The following STK32C variants were observed in gnomAD, a reference collection of about 807,000 sequenced individuals.
STK32C encodes the protein serine/threonine kinase 32C.
STK32C carries 31 observed loss-of-function variants against 56.5 expected under a neutral mutation model. That is an observed-to-expected ratio of 0.55 (90% CI 0.41 to 0.74). The LOEUF (loss-of-function observed/expected upper bound fraction) is 0.74. STK32C is among the 30% of genes least tolerant of loss of function. The probability of loss-of-function intolerance (pLI) is 0.00; values close to 1 mark genes in which losing one functional copy is unlikely to be tolerated. For synonymous variants in STK32C, 309 were observed against 289.4 expected (o/e 1.07, Z -0.69); for missense variants, 544 against 676.9 (o/e 0.80, Z 2.18).
At chr10:132,314,902 C>T (rs1417887466) in intron 1 of STK32C, among the ~76,000 whole-genome samples, 1 of 152,044 alleles carries the variant, frequency 6.6e-6, no homozygotes, top group Non-Finnish European at 1.5e-5. Flanking sequence ...TTTGGGAGGC[C>T]GAGGCAGGCA....
intron 2 of STK32C, among the ~76,000 whole-genome samples, chr10:132,235,889 G>A (rs1042776810): frequency 2.1e-5 from 3 of 142,302 alleles, no homozygotes; most frequent in African/African-American, 7.8e-5. Flanking sequence ...GCTACGAAGA[G>A]AGTCCTCATC....
intron 1 of STK32C, among the ~76,000 whole-genome samples, chr10:132,315,569 G>A (rs1453436171): frequency 1.3e-5 from 2 of 152,112 alleles, no homozygotes; most frequent in African/African-American, 4.8e-5. Context: ...ACTATATAAA[G>A]CAAAACTTGA....
chr10:132,303,987 C>T lies in STK32C; in HGVS notation c.262+3585G>A, dbSNP rs139580512. Reference sequence around the variant, plus strand: ...CCTCTGCCCGGTTACCCCACGACAGCATGGCCCATAAACAATGCTCAGAGA... The same window carrying T: ...CCTCTGCCCGGTTACCCCACGACAGTATGGCCCATAAACAATGCTCAGAGA... On this transcript the variant is annotated intron_variant, in intron 1 of 11. Coordinates refer to ENST00000298630, the MANE Select transcript of STK32C (RefSeq NM_173575.4). Among the ~76,000 whole-genome samples, 542 of 152,338 alleles carry T rather than the reference C, an allele frequency of 3.6e-3. 1 individual carries two copies. The highest frequency in any genetic ancestry group is 0.013 in the African/African-American group (521 of 41,584).
At chr10:132,301,585 C>T (rs546987117) in intron 1 of STK32C, among the ~76,000 whole-genome samples, 100 of 152,320 alleles carry the variant, frequency 6.6e-4, no homozygotes, top group African/African-American at 2.2e-3. Context: ...CCCAGGAACC[C>T]GCCAGTGGAC....
At chr10:132,248,350 G>C (rs1444046516) in intron 1 of STK32C, among the ~76,000 whole-genome samples, 1 of 152,242 alleles carries the variant, frequency 6.6e-6, no homozygotes, top group Non-Finnish European at 1.5e-5. Context: ...CAACAGGACA[G>C]ACCTCGGAGT....
At position 132,255,588 on chromosome 10, in the gene STK32C, A is replaced by G. The variant is rs1212834736; in HGVS notation, c.263-9633T>C. Among the ~76,000 whole-genome samples, 1 of 152,244 alleles carries G rather than the reference A, an allele frequency of 6.6e-6. No homozygotes were observed. ...CGGAGAACATAGAGCAGAAGCGTCC[A>G]GCCACAGCAGCACCCAGGAGAGGAG... On this transcript the variant is annotated intron_variant, in intron 1 of 11. Transcript: ENST00000298630. The surrounding 1 kb of genome is among the most constrained non-coding windows in gnomAD (Gnocchi z 4.6).
At chr10:132,239,346 A>G (rs2063417567) in intron 2 of STK32C, among the ~76,000 whole-genome samples, 1 of 152,128 alleles carries the variant, frequency 6.6e-6, no homozygotes, top group African/African-American at 2.4e-5. Context: ...GTCCTCCCCA[A>G]GCTGGGGGAG....
At chr10:132,304,169 CAG>C (rs1017872006) in intron 1 of STK32C, among the ~76,000 whole-genome samples, 3 of 152,198 alleles carry the variant, frequency 2.0e-5, no homozygotes, top group South Asian at 2.1e-4. Flanking sequence ...ATTTATAAAA[CAG>C]AAACACCTCA....
intron 7 of STK32C, 29 bp from the exon 8 acceptor site, chr10:132,224,552 GTCCT>G: frequency 6.5e-7 from 1 of 1,536,064 alleles, no homozygotes; most frequent in Non-Finnish European, 8.9e-7. Flanking sequence ...TGCTGGGCAG[GTCCT>G]CCTGGCCCCC....
At chr10:132,226,204 C>T (rs938069450) in intron 4 of STK32C, among the ~76,000 whole-genome samples, 3 of 152,230 alleles carry the variant, frequency 2.0e-5, no homozygotes, top group South Asian at 2.1e-4. Context: ...ATCAGACATC[C>T]GAGTCCCCAA....
chr10:132,265,070 C>T (rs1418591063), intron 1 of STK32C, among the ~76,000 whole-genome samples: 2 of 145,948 alleles, frequency 1.4e-5, no homozygotes, highest in East Asian at 3.9e-4. Flanking sequence ...GCCGCAAGGG[C>T]GGTGAGGTGG....
intron 10 of STK32C, among the ~76,000 whole-genome samples, chr10:132,215,571 A>T (rs901671750): frequency 1.3e-5 from 2 of 151,406 alleles, no homozygotes; most frequent in Non-Finnish European, 2.9e-5. Flanking sequence ...GCCTTCCGCC[A>T]TGATTGTGAG....
intron 2 of STK32C, among the ~76,000 whole-genome samples, chr10:132,235,631 G>A (rs752238740): frequency 3.3e-5 from 5 of 152,098 alleles, no homozygotes; most frequent in South Asian, 2.1e-4. Context: ...CAGGTGACGT[G>A]GGCAGCAGAA....
intron 1 of STK32C, among the ~76,000 whole-genome samples, chr10:132,285,705 G>C (rs2065378648): frequency 6.6e-6 from 1 of 152,156 alleles, no homozygotes. Context: ...AAAATGAAAG[G>C]AAGGAACAGA....
intron 11 of STK32C, 50 bp from the exon 12 acceptor site, chr10:132,208,201 C>G (rs757658468): frequency 1.5e-6 from 2 of 1,293,932 alleles, no homozygotes; most frequent in Non-Finnish European, 2.0e-6. Flanking sequence ...CCTCCCTGGC[C>G]TCACGGTCCC....
rs192161033 is a variant in STK32C at position 132,276,279 on chromosome 10, C to T, written c.263-30324G>A. Among the ~76,000 whole-genome samples the T allele has an allele frequency of 1.1e-4, 17 of 152,340 alleles. No homozygotes were observed. The East Asian group carries it at 1.9e-3, about 17-fold the overall frequency. On this transcript the variant is annotated intron_variant, in intron 1 of 11. Coordinates refer to ENST00000298630, the MANE Select transcript of STK32C (RefSeq NM_173575.4). ...TCAGCAGAGTGATGAGATGCCACCA[C>T]GCCAAGTCTGGGATCGGCTGGCATC...
chr10:132,231,937 T>C (rs1347336489), intron 2 of STK32C, among the ~76,000 whole-genome samples: 1 of 152,206 alleles, frequency 6.6e-6, no homozygotes, highest in African/African-American at 2.4e-5. Context: ...AGGCTTCCCA[T>C]CTCCAGGACT....
At chr10:132,290,600 C>A (rs1564782575) in intron 1 of STK32C, among the ~76,000 whole-genome samples, 1 of 152,202 alleles carries the variant, frequency 6.6e-6, no homozygotes, top group Admixed American at 6.5e-5. Context: ...TTCCAAGAGA[C>A]CCCTAAGAAG....
chr10:132,306,902 C>G (rs1220703344), intron 1 of STK32C: 1 of 152,254 alleles, frequency 6.6e-6, no homozygotes, highest in Non-Finnish European at 1.5e-5. Flanking sequence ...TCCCTGCAGG[C>G]CTGTCCCATG....
Sources: allele counts gnomAD v4.1 joint callset (sites outside exome capture counted in the v4.1 genomes callset), GRCh38; gene constraint gnomAD v4.1.1; non-coding constraint Gnocchi (gnomAD v3.1); transcripts MANE v1.5; gene names NCBI Gene and HGNC (gene_info 2026-07-23, HGNC 2026-07-21).